SEC24B: variants seen among roughly 807,000 people sequenced by gnomAD.
The protein encoded by SEC24B is SEC24 homolog B, COPII component.
In SEC24B, 45 loss-of-function variants were observed where a neutral mutation model predicts 142.8. The ratio of observed to expected loss-of-function variants is 0.32; its 90% CI spans 0.25 to 0.40. SEC24B has a LOEUF of 0.40. SEC24B is among the 10% of genes least tolerant of loss of function. The pLI is 1.00. For missense variants in SEC24B, 1,409 were observed against 1,526.8 expected (o/e 0.92, Z 1.29); for synonymous variants, 574 against 568.2 (o/e 1.01, Z -0.15).
chr4:109,515,243 G>A lies in SEC24B; in HGVS notation c.2014-1285G>A, dbSNP rs1737808744. On this transcript the variant is annotated intron_variant, in intron 10 of 23. Coordinates refer to ENST00000265175, the MANE Select transcript of SEC24B (RefSeq NM_006323.5). ...AGCCTTCCGAGTAGCTAGGACTACA[G>A]GCTCCCGCCACCACGCCCGGCTAAT... Among the ~76,000 whole-genome samples the A allele has an allele frequency of 3.9e-5, 6 of 152,116 alleles. No homozygotes were observed. In the South Asian group the frequency reaches 1.0e-3, roughly 26 times the overall value.
intron 1 of SEC24B, among the ~76,000 whole-genome samples, chr4:109,456,338 T>G (rs966915614): frequency 8.0e-5 from 12 of 149,462 alleles, no homozygotes; most frequent in African/African-American, 1.2e-4. Context: ...TTTTTTGTTT[T>G]TTTTTTTTTT....
chr4:109,439,494 T>C, intron 1 of SEC24B, among the ~76,000 whole-genome samples: 1 of 106,452 alleles, frequency 9.4e-6, no homozygotes, highest in South Asian at 3.7e-4. Flanking sequence ...TTTTTTTTTT[T>C]TTTTTTTTTT....
chr4:109,462,804 A>G, intron 1 of SEC24B, 97 bp from the exon 2 acceptor site: 2 of 1,002,686 alleles, frequency 2.0e-6, no homozygotes, highest in Non-Finnish European at 2.9e-6. Flanking sequence ...AGTTGGGATT[A>G]TGGAAAAGAA....
In SEC24B at chr4:109,534,728, C is replaced by T. The variant is rs547958247; in HGVS notation, c.3588+1043C>T. On this transcript the variant is annotated intron_variant, in intron 22 of 23. Transcript: ENST00000265175. ...TAAAAATGCAAACAACAAACTCTTACGATTATCTGTAACTCAAAAGACTGA... is the reference window on the plus strand; with the variant it reads ...TAAAAATGCAAACAACAAACTCTTATGATTATCTGTAACTCAAAAGACTGA... 3.9e-5 allele frequency among the ~76,000 whole-genome samples: 6 copies of T among 152,288 alleles called. No homozygotes were observed. In the South Asian group the frequency reaches 1.0e-3, roughly 26 times the overall value.
intron 1 of SEC24B, among the ~76,000 whole-genome samples, chr4:109,456,334 G>GTTTT (rs70949081): frequency 0.067 from 6,286 of 93,902 alleles, 203 homozygotes; most frequent in Non-Finnish European, 0.089. Flanking sequence ...GGTTTTTTTT[G>GTTTT]TTTTTTTTTT....
intron 6 of SEC24B, among the ~76,000 whole-genome samples, chr4:109,500,265 C>T (rs542856493): frequency 5.3e-5 from 8 of 152,148 alleles, no homozygotes; most frequent in African/African-American, 1.9e-4. Flanking sequence ...AGTGACAGGC[C>T]AGGCGCATTG....
At position 109,509,582 on chromosome 4, in the gene SEC24B, C is replaced by T. The variant is rs1357882282; in HGVS notation, c.1674-427C>T. 3.4e-4 allele frequency among the ~76,000 whole-genome samples: 51 copies of T among 148,758 alleles called. No homozygotes were observed. The Admixed American group carries it at 3.5e-3, about 10-fold the overall frequency. ...GTCCCAGCTACTCAGGAGGCTGAGG[C>T]AGGAGAATGGCGTGAACCCAGGAGG... On this transcript the variant is annotated intron_variant, in intron 7 of 23. Transcript: ENST00000265175.
intron 22 of SEC24B, among the ~76,000 whole-genome samples, chr4:109,536,940 ATAAAT>A (rs776586623): frequency 6.6e-6 from 1 of 151,490 alleles, no homozygotes; most frequent in Non-Finnish European, 1.5e-5. Context: ...TTTGGTAACA[ATAAAT>A]AAATAAATAA....
At chr4:109,451,711 A>G (rs1730110081) in intron 1 of SEC24B, among the ~76,000 whole-genome samples, 1 of 152,140 alleles carries the variant, frequency 6.6e-6, no homozygotes, top group Admixed American at 6.6e-5. Flanking sequence ...TGGGTGTTGG[A>G]TATGCTTATT....
chr4:109,437,450 A>ATTATTT (rs1175593480), intron 1 of SEC24B, among the ~76,000 whole-genome samples: 1 of 151,714 alleles, frequency 6.6e-6, no homozygotes, highest in Non-Finnish European at 1.5e-5. Flanking sequence ...CTCCTGGCTA[A>ATTATTT]TTATTTTTAT....
chr4:109,462,182 A>G (rs192809986), intron 1 of SEC24B, among the ~76,000 whole-genome samples: 1 of 152,244 alleles, frequency 6.6e-6, no homozygotes, highest in African/African-American at 2.4e-5. Flanking sequence ...ATCACACTCT[A>G]TAGAGCCTGG....
In SEC24B at chr4:109,483,005, T is replaced by C. The variant is rs775650554; in HGVS notation, c.1165+1224T>C. Among the ~76,000 whole-genome samples the C allele has an allele frequency of 9.1e-3, 759 of 83,114 alleles. 25 individuals are homozygous for C. Among genetic ancestry groups the C allele is most frequent in the African/African-American group, 0.017 (301 of 18,192 alleles). 54.5% of individuals were successfully genotyped at this position (83,114 alleles called of 152,430 possible). ...ACACACACACACACACACACACACA[T>C]ATTATACATATGTTTTTTATATATG... On this transcript the variant is annotated intron_variant, in intron 4 of 23. Transcript: ENST00000265175.
In SEC24B at chr4:109,463,109, G is replaced by A. The variant is rs757007753; in HGVS notation, c.342G>A (p.Gln114=). ...CAGTGAACCAGCAACCAGGAGCACAGCAGTTGTACAGCAGGGGTCCTCCTG... is the reference window on the plus strand; with the variant it reads ...CAGTGAACCAGCAACCAGGAGCACAACAGTTGTACAGCAGGGGTCCTCCTG... ...PNTVNQQPGA[Q]QLYSRGPPAP... The change falls in exon 2 of 24, where the codon CAG becomes CAA. Residue 114 remains glutamine, a synonymous_variant. Coordinates refer to ENST00000265175, the MANE Select transcript of SEC24B (RefSeq NM_006323.5). 6.2e-7 allele frequency: 1 copy of A among 1,614,166 alleles called. No homozygotes were observed. Among genetic ancestry groups the A allele is most frequent in the Non-Finnish European group, 8.5e-7 (1 of 1,180,012 alleles).
chr4:109,463,484 A>G lies in SEC24B; in HGVS notation c.717A>G (p.Pro239=). ...GQNTAISHPS[P]LPPLPSQQHH... ...ATACAGCTATCAGCCATCCATCGCC[A>G]CTTCCACCTCTACCATCACAACAGC... is the stretch of plus-strand genomic sequence containing the variant. Residue 239 remains proline (P), a synonymous_variant, in exon 2 of 24, where the codon CCA becomes CCG. Transcript: ENST00000265175. 6.2e-7 allele frequency: 1 copy of G among 1,614,142 alleles called. No homozygotes were observed. Among genetic ancestry groups the G allele is most frequent in the Non-Finnish European group, 8.5e-7 (1 of 1,180,016 alleles).
At chr4:109,467,838 G>T (rs1187681641) in intron 2 of SEC24B, among the ~76,000 whole-genome samples, 4 of 152,248 alleles carry the variant, frequency 2.6e-5, no homozygotes, top group East Asian at 1.9e-4. Context: ...CCTGATTAAT[G>T]CTGTTTTCTG....
At chr4:109,486,947 C>G (rs942748869) in intron 4 of SEC24B, among the ~76,000 whole-genome samples, 2 of 151,986 alleles carry the variant, frequency 1.3e-5, no homozygotes, top group Non-Finnish European at 2.9e-5. Flanking sequence ...GGCAGATCAC[C>G]TGAGGTCAGG....
intron 1 of SEC24B, among the ~76,000 whole-genome samples, chr4:109,438,151 AG>A (rs1042527817): frequency 2.6e-5 from 4 of 152,156 alleles, no homozygotes; most frequent in African/African-American, 9.7e-5. Flanking sequence ...AAGCTTTGTG[AG>A]GGTGGCAGTT....
At chr4:109,490,808 T>A (rs939517875) in intron 4 of SEC24B, among the ~76,000 whole-genome samples, 3 of 152,130 alleles carry the variant, frequency 2.0e-5, no homozygotes, top group Admixed American at 1.3e-4. Context: ...TCTGCAGATA[T>A]GTAAACTGAG....
chr4:109,454,641 G>C (rs1325258995), intron 1 of SEC24B, among the ~76,000 whole-genome samples: 2 of 152,128 alleles, frequency 1.3e-5, no homozygotes, highest in African/African-American at 2.4e-5. Flanking sequence ...TTGCCTGCCT[G>C]TCTCTCAGTC....
Sources: gnomAD v4.1 joint callset for allele counts (sites outside exome capture counted in the v4.1 genomes callset) on GRCh38, gnomAD v4.1.1 for gene constraint, MANE v1.5 for transcripts, NCBI Gene and HGNC (gene_info 2026-07-23, HGNC 2026-07-21) for gene names.